The following AK9 variants were observed in gnomAD, a reference collection of about 807,000 sequenced individuals.
The protein encoded by AK9 is adenylate kinase 9.
In AK9, 191 loss-of-function variants were observed where a neutral mutation model predicts 239.6. The ratio of observed to expected loss-of-function variants is 0.80; its 90% CI spans 0.71 to 0.90. The LOEUF is 0.90. Among genes scored for constraint, AK9 ranks in the 40% least tolerant of loss-of-function variants. The probability of loss-of-function intolerance (pLI) is 0.00; values close to 1 mark genes in which losing one functional copy is unlikely to be tolerated. For synonymous variants in AK9, 689 were observed against 721.0 expected (o/e 0.96, Z 0.71); for missense variants, 1,995 against 2,214.7 (o/e 0.90, Z 1.99).
At chr6:109,649,771 C>T (rs576309784) in intron 8 of AK9, among the ~76,000 whole-genome samples, 11 of 152,218 alleles carry the variant, frequency 7.2e-5, no homozygotes, top group African/African-American at 1.7e-4. Context: ...GAGCTGGCAT[C>T]GCCAAGGCAA....
At chr6:109,622,837 T>C (rs1055593068) in intron 12 of AK9, among the ~76,000 whole-genome samples, 4 of 151,902 alleles carry the variant, frequency 2.6e-5, no homozygotes, top group African/African-American at 7.2e-5. Flanking sequence ...TAAAACAGAA[T>C]TGGCAGTTCA....
At chr6:109,513,976 G>C (rs1779008205) in intron 32 of AK9, among the ~76,000 whole-genome samples, 1 of 152,148 alleles carries the variant, frequency 6.6e-6, no homozygotes, top group Non-Finnish European at 1.5e-5. Context: ...ACTTCACCCT[G>C]CATTCTTCAG....
At chr6:109,682,817 G>T (rs1290670782) in intron 1 of AK9, among the ~76,000 whole-genome samples, 1 of 152,050 alleles carries the variant, frequency 6.6e-6, no homozygotes, top group African/African-American at 2.4e-5. Context: ...TCTACCAGAG[G>T]TACAAAAAGG....
chr6:109,676,404 A>C (rs1017953477), intron 1 of AK9, among the ~76,000 whole-genome samples: 11 of 152,146 alleles, frequency 7.2e-5, no homozygotes, highest in African/African-American at 2.7e-4. Flanking sequence ...TTTTGGAGTC[A>C]ATCAGAAACA....
At chr6:109,502,446 C>G (rs1777694137) in intron 35 of AK9, among the ~76,000 whole-genome samples, 1 of 152,080 alleles carries the variant, frequency 6.6e-6, no homozygotes. Context: ...CTCAGGAATG[C>G]TGAGGATTTC....
At chr6:109,647,019 CT>C (rs1798156821) in intron 8 of AK9, among the ~76,000 whole-genome samples, 1 of 152,152 alleles carries the variant, frequency 6.6e-6, no homozygotes, top group African/African-American at 2.4e-5. Context: ...AAATAAAATC[CT>C]TTACAGACAA....
At chr6:109,574,952 T>C (rs1181892438) in intron 20 of AK9, among the ~76,000 whole-genome samples, 3 of 152,214 alleles carry the variant, frequency 2.0e-5, no homozygotes, top group South Asian at 4.1e-4. Context: ...AGTGAGAACA[T>C]ACAATGTTTG....
intron 5 of AK9, among the ~76,000 whole-genome samples, chr6:109,663,904 C>T (rs936726856): frequency 6.6e-6 from 1 of 152,158 alleles, no homozygotes; most frequent in African/African-American, 2.4e-5. Context: ...ATACTCCTCC[C>T]TTTCCAAGAA....
At position 109,550,148 on chromosome 6, in the gene AK9, G is replaced by A; in HGVS notation, c.2906C>T (p.Ala969Val). 6.2e-7 allele frequency: 1 copy of A among 1,613,784 alleles called. No homozygotes were observed. The highest frequency in any genetic ancestry group is 8.5e-7 in the Non-Finnish European group (1 of 1,179,970). Residue 969 changes from alanine to valine, a missense_variant, in exon 25 of 41, where the codon GCT becomes GTT. Coordinates refer to ENST00000424296, the MANE Select transcript of AK9 (RefSeq NM_001145128.3). ...AGGATGCTCCAAAAACTTTTCTTTA[G>A]CCTCAGCACTTGAAAAGTAGTAGAT... is the stretch of plus-strand genomic sequence containing the variant. ...EKIYYFSSAEAKEKFLEHPED... is the reference protein window; with the variant it reads ...EKIYYFSSAEVKEKFLEHPED...
chr6:109,564,707 A>G, intron 22 of AK9, 49 bp downstream of exon 22: 1 of 1,408,156 alleles, frequency 7.1e-7, no homozygotes, highest in Non-Finnish European at 9.6e-7. Flanking sequence ...TTGTAAGAAA[A>G]TATGAAAAGT....
At chr6:109,593,479 A>ATTC (rs1358589066) in intron 17 of AK9, among the ~76,000 whole-genome samples, 4 of 152,134 alleles carry the variant, frequency 2.6e-5, no homozygotes, top group African/African-American at 9.7e-5. Flanking sequence ...ATTCCAAACG[A>ATTC]CAGAAAAAGA....
chr6:109,537,395 G>C (rs1782165740), intron 27 of AK9, among the ~76,000 whole-genome samples: 1 of 151,504 alleles, frequency 6.6e-6, no homozygotes, highest in African/African-American at 2.4e-5. Flanking sequence ...TTTGCGTAGA[G>C]GTGTTTATAG....
intron 33 of AK9, among the ~76,000 whole-genome samples, chr6:109,508,459 G>T (rs996252355): frequency 1.2e-4 from 19 of 152,070 alleles, no homozygotes; most frequent in African/African-American, 4.6e-4. Context: ...GCCTTTTCTG[G>T]GGATAAAGTC....
intron 27 of AK9, among the ~76,000 whole-genome samples, chr6:109,540,303 T>G (rs1180252383): frequency 6.6e-6 from 1 of 152,210 alleles, no homozygotes; most frequent in Non-Finnish European, 1.5e-5. Context: ...TCAGCAATGG[T>G]GGGTGCCCCT....
rs1232671221 is a variant in AK9 at position 109,563,646 on chromosome 6, T to G, written c.2702A>C (p.Gln901Pro). ...CTCCTCATCAACCTCTGCTTCAGTC[T>G]GGTAGTCTTCTGTTTCTTCCTCATA... ...EDYEEETEDY[Q>P]TEAEVDEELE... Residue 901 changes from glutamine (Q) to proline (P), a missense_variant, in exon 24 of 41, where the codon CAG (glutamine) becomes CCG (proline). Gln to Pro is a moderately conservative substitution (Grantham distance 76, BLOSUM62 -1). Around this residue, in one of 5 missense-constraint regions of AK9, gnomAD observed 1,290 missense variants for 1,392.7 expected, o/e 0.93. Coordinates refer to ENST00000424296, the MANE Select transcript of AK9 (RefSeq NM_001145128.3). The G allele has an allele frequency of 6.4e-7, 1 of 1,550,932 alleles. No homozygotes were observed. The highest frequency in any genetic ancestry group is 1.2e-5 in the South Asian group (1 of 84,034).
intron 17 of AK9, among the ~76,000 whole-genome samples, chr6:109,591,054 T>A (rs943373444): frequency 6.6e-5 from 10 of 152,178 alleles, no homozygotes; most frequent in African/African-American, 9.6e-5. Context: ...GAGTCCAATT[T>A]AAGCCTAGAG....
At chr6:109,646,023 A>G (rs1261196962) in intron 8 of AK9, among the ~76,000 whole-genome samples, 1 of 152,244 alleles carries the variant, frequency 6.6e-6, no homozygotes, top group Middle Eastern at 3.2e-3. Context: ...AGGAAAACTA[A>G]CAAACAGAAA....
intron 28 of AK9, among the ~76,000 whole-genome samples, chr6:109,531,650 T>C (rs1161061209): frequency 6.6e-6 from 1 of 152,202 alleles, no homozygotes; most frequent in Admixed American, 6.5e-5. Flanking sequence ...ATTTCTGTCA[T>C]CACGGAGATT....
At chr6:109,618,207 A>C (rs935631447) in intron 13 of AK9, among the ~76,000 whole-genome samples, 12 of 152,054 alleles carry the variant, frequency 7.9e-5, no homozygotes, top group African/African-American at 2.7e-4. Flanking sequence ...CAGATTTTGG[A>C]TTTAGATTTT....
Sources: allele counts gnomAD v4.1 joint callset (sites outside exome capture counted in the v4.1 genomes callset), GRCh38; gene constraint gnomAD v4.1.1; regional missense constraint gnomAD v4.1.1; transcripts MANE v1.5; gene names NCBI Gene and HGNC (gene_info 2026-07-23, HGNC 2026-07-21).